The following CPNE5 variants were observed in gnomAD, a reference collection of about 807,000 sequenced individuals.
The protein encoded by CPNE5 is copine-5.
In CPNE5, 42 loss-of-function variants were observed where a neutral mutation model predicts 81.1. The observed-to-expected ratio is 0.52, with a 90% CI of 0.40 to 0.67. CPNE5 has a LOEUF of 0.67. Among genes scored for constraint, CPNE5 ranks in the 30% least tolerant of loss-of-function variants. CPNE5 has a pLI of 0.00. For synonymous variants in CPNE5, 313 were observed against 321.5 expected (o/e 0.97, Z 0.28); for missense variants, 612 against 815.5 (o/e 0.75, Z 3.04).
In CPNE5 at chr6:36,741,902, G is replaced by T. The variant is rs1763612136; in HGVS notation, c.*366C>A. 2 of 228,414 alleles carry T rather than the reference G, an allele frequency of 8.8e-6. No individual in the cohort carries two copies. The highest frequency in any genetic ancestry group is 8.5e-6 in the Non-Finnish European group (1 of 117,122). The allele number at this position is 228,414 out of a possible 1,614,324, so 14.1% of individuals were successfully genotyped here. A position where few individuals can be genotyped will look rare whatever the true frequency, so the allele number is the denominator to read the frequency against. The stretch of plus-strand genomic sequence containing the variant: ...GGACGGAGATGGGGGGCTGGAGGAG[G>T]CCAAGCCCAGGCTTCAGGGTGACAG... On this transcript the variant is annotated 3_prime_UTR_variant, in exon 21 of 21. Transcript: ENST00000244751.
chr6:36,828,308 C>CAAAA (rs11444450), intron 1 of CPNE5, among the ~76,000 whole-genome samples: 44 of 78,512 alleles, frequency 5.6e-4, no homozygotes, highest in Admixed American at 1.1e-3. Context: ...AACAACAAAC[C>CAAAA]AAAAAAAAAA....
intron 1 of CPNE5, among the ~76,000 whole-genome samples, chr6:36,827,979 G>T (rs186882982): frequency 6.6e-6 from 1 of 152,170 alleles, no homozygotes; most frequent in East Asian, 1.9e-4. Context: ...AGAGCCAAGA[G>T]CCCCTTTCCT....
At chr6:36,811,536 G>A (rs1771103581) in intron 3 of CPNE5, among the ~76,000 whole-genome samples, 1 of 152,186 alleles carries the variant, frequency 6.6e-6, no homozygotes, top group South Asian at 2.1e-4. Context: ...ACTTTGGAGT[G>A]CACACTTTCA....
intron 3 of CPNE5, among the ~76,000 whole-genome samples, chr6:36,809,740 C>T (rs1454855865): frequency 1.3e-5 from 2 of 152,000 alleles, no homozygotes; most frequent in African/African-American, 4.8e-5. Flanking sequence ...GTTCTGACCA[C>T]GGTCACACAG....
chr6:36,831,700 A>G lies in CPNE5; in HGVS notation c.95+7583T>C, dbSNP rs78298574. On this transcript the variant is annotated intron_variant, in intron 1 of 20. Coordinates refer to ENST00000244751, the MANE Select transcript of CPNE5 (RefSeq NM_020939.2). ...TGAAGATCAATATCAATTATCAAAT[A>G]AATGAATGTGTCAGTAGTGTTCAGT... is the stretch of plus-strand genomic sequence containing the variant. 6.8e-4 allele frequency among the ~76,000 whole-genome samples: 103 copies of G among 152,126 alleles called. 2 individuals are homozygous for G. In the East Asian group the frequency reaches 0.018, roughly 26 times the overall value.
intron 18 of CPNE5, 22 bp from the exon 19 acceptor site, chr6:36,744,347 AGGGAAAGGTTGGACCCAATT>A (rs1286073373): frequency 6.4e-7 from 1 of 1,571,666 alleles, no homozygotes; most frequent in South Asian, 1.2e-5. Context: ...CATGGGGGGC[AGGGAAAGGTTGGACCCAATT>A]GGGACCCAGT....
At chr6:36,749,890 C>T (rs1764617774) in intron 14 of CPNE5, among the ~76,000 whole-genome samples, 1 of 152,152 alleles carries the variant, frequency 6.6e-6, no homozygotes, top group African/African-American at 2.4e-5. Flanking sequence ...AGGGCTTGGC[C>T]ATTCTAGGTT....
At chr6:36,763,602 CAAAAA>C (rs55880019) in intron 11 of CPNE5, among the ~76,000 whole-genome samples, 4 of 123,128 alleles carry the variant, frequency 3.2e-5, no homozygotes, top group Admixed American at 8.3e-5. Flanking sequence ...GACTCTATCT[CAAAAA>C]AAAAAAAAAA....
chr6:36,833,131 T>C (rs1462079800), intron 1 of CPNE5, among the ~76,000 whole-genome samples: 2 of 152,106 alleles, frequency 1.3e-5, no homozygotes, highest in East Asian at 3.9e-4. Context: ...GAACCCAACC[T>C]CCAATCTCAA....
chr6:36,751,247 G>A (rs956867505), intron 14 of CPNE5, among the ~76,000 whole-genome samples: 5 of 152,194 alleles, frequency 3.3e-5, no homozygotes, highest in Admixed American at 1.3e-4. Context: ...GCTCCTTTTC[G>A]ATGAAACCTC....
chr6:36,831,888 C>T (rs1300868073), intron 1 of CPNE5, among the ~76,000 whole-genome samples: 2 of 152,126 alleles, frequency 1.3e-5, no homozygotes, highest in Non-Finnish European at 1.5e-5. Context: ...GGTTGGAGAA[C>T]TTAAATAATC....
At chr6:36,753,181 A>T in intron 13 of CPNE5, 86 bp from the exon 14 acceptor site, 1 of 1,110,016 alleles carries the variant, frequency 9.0e-7, no homozygotes, top group Non-Finnish European at 1.4e-6. Flanking sequence ...TTGACAGAAC[A>T]CTCGGCATGT....
chr6:36,826,164 A>C lies in CPNE5; in HGVS notation c.96-3066T>G, dbSNP rs898770803. 3.9e-5 allele frequency among the ~76,000 whole-genome samples: 6 copies of C among 152,212 alleles called. No homozygotes were observed. In the East Asian group the frequency reaches 9.7e-4, roughly 25 times the overall value. On this transcript the variant is annotated intron_variant, in intron 1 of 20. Coordinates refer to ENST00000244751, the MANE Select transcript of CPNE5 (RefSeq NM_020939.2). ...TGTGTGTTTGCGTGTGTGCATGCGC[A>C]TGTGTTATGGGCGGTGGGAGGGGGA...
At chr6:36,785,925 A>C (rs2150489625) in intron 8 of CPNE5, among the ~76,000 whole-genome samples, 1 of 146,816 alleles carries the variant, frequency 6.8e-6, no homozygotes, top group African/African-American at 2.5e-5. Flanking sequence ...AGGCAGGAGA[A>C]TTGCTTGAAC....
At chr6:36,758,449 A>G (rs1282188120) in intron 12 of CPNE5, among the ~76,000 whole-genome samples, 5 of 148,204 alleles carry the variant, frequency 3.4e-5, no homozygotes, top group Middle Eastern at 3.5e-3. Context: ...GGATCTCGCT[A>G]TGTTACTCTG....
At chr6:36,772,804 C>T (rs1013515811) in intron 10 of CPNE5, among the ~76,000 whole-genome samples, 1 of 152,144 alleles carries the variant, frequency 6.6e-6, no homozygotes, top group Non-Finnish European at 1.5e-5. Context: ...TCCCAGCTGC[C>T]CCAAGGTGTC....
chr6:36,776,869 G>T (rs1220980969), intron 9 of CPNE5, among the ~76,000 whole-genome samples: 1 of 152,100 alleles, frequency 6.6e-6, no homozygotes, highest in Non-Finnish European at 1.5e-5. Context: ...GGGTGTCTCT[G>T]CAGGCCTTCC....
At chr6:36,779,399 C>G (rs577438967) in intron 8 of CPNE5, among the ~76,000 whole-genome samples, 3 of 152,148 alleles carry the variant, frequency 2.0e-5, no homozygotes, top group African/African-American at 7.2e-5. Context: ...CTGAGTGGCT[C>G]GGAAAGGTGA....
chr6:36,802,559 C>G (rs1399016137), intron 3 of CPNE5, among the ~76,000 whole-genome samples: 1 of 152,060 alleles, frequency 6.6e-6, no homozygotes, highest in African/African-American at 2.4e-5. Flanking sequence ...GTAAGACAGG[C>G]AGGTGCAAAG....
Sources: gnomAD v4.1 joint callset for allele counts (sites outside exome capture counted in the v4.1 genomes callset) on GRCh38, gnomAD v4.1.1 for gene constraint, MANE v1.5 for transcripts, NCBI Gene and HGNC (gene_info 2026-07-23, HGNC 2026-07-21) for gene names.